Variants in ZDHHC20 observed in about 807,000 individuals in gnomAD.
The protein encoded by ZDHHC20 is zDHHC palmitoyltransferase 20, also known as palmitoyltransferase ZDHHC20.
Under a neutral mutation model 57.8 loss-of-function variants are expected in ZDHHC20, and 43 were observed. That is an observed-to-expected ratio of 0.74 (90% CI 0.58 to 0.96). The LOEUF (loss-of-function observed/expected upper bound fraction) is 0.96. Among genes scored for constraint, ZDHHC20 ranks in the 40% least tolerant of loss-of-function variants. ZDHHC20 has a pLI of 0.00. For missense variants in ZDHHC20, 391 were observed against 441.1 expected, an observed-to-expected ratio of 0.89 and a Z score of 1.02; for synonymous variants, 157 against 153.0, an observed-to-expected ratio of 1.03 and a Z score of -0.19.
At chr13:21,455,633 GGTGTGTGTGTGTGTGTGTGT>G (rs3070118) in intron 1 of ZDHHC20, among the ~76,000 whole-genome samples, 5 of 148,082 alleles carry the variant, frequency 3.4e-5, no homozygotes, top group African/African-American at 1.0e-4. Flanking sequence ...CCAGTGAAGT[GGTGTGTGTGTGTGTGTGTGT>G]GTGTGTGTGT....
At chr13:21,398,227 G>C (rs1827209326) in intron 7 of ZDHHC20, among the ~76,000 whole-genome samples, 1 of 152,144 alleles carries the variant, frequency 6.6e-6, no homozygotes, top group African/African-American at 2.4e-5. Context: ...CACTTTGGGA[G>C]GTCGAGGCGG....
chr13:21,397,822 C>CA (rs987500426), intron 7 of ZDHHC20, among the ~76,000 whole-genome samples: 2 of 151,468 alleles, frequency 1.3e-5, no homozygotes, highest in African/African-American at 2.4e-5. Flanking sequence ...TAAGCATATG[C>CA]AAAAAAAATT....
At chr13:21,445,028 G>C (rs1459678847) in intron 1 of ZDHHC20, among the ~76,000 whole-genome samples, 1 of 152,006 alleles carries the variant, frequency 6.6e-6, no homozygotes, top group Non-Finnish European at 1.5e-5. Context: ...ATGCACTCCA[G>C]CCTGGGCAAC....
rs184182369 is a variant in ZDHHC20, at chr13:21,399,152, C to T, written c.594+1221G>A. Among the ~76,000 whole-genome samples the T allele has an allele frequency of 3.2e-3, 481 of 152,020 alleles. 2 individuals are homozygous for T. Among genetic ancestry groups the T allele is most frequent in the African/African-American group, 0.011 (448 of 41,478 alleles). The stretch of plus-strand genomic sequence containing the variant: ...GAAGTCAGGAGCTCGAGACCAGCCT[C>T]GCCAGCATGGTGAAACCCTGTCTCT... On this transcript the variant is annotated intron_variant, in intron 7 of 12. Transcript: ENST00000400590.
At chr13:21,454,812 A>G (rs1884768883) in intron 1 of ZDHHC20, among the ~76,000 whole-genome samples, 1 of 152,240 alleles carries the variant, frequency 6.6e-6, no homozygotes, top group South Asian at 2.1e-4. Flanking sequence ...TAAATATTTA[A>G]TACAGACTCA....
chr13:21,422,979 G>T (rs1352933927), intron 2 of ZDHHC20, among the ~76,000 whole-genome samples: 5 of 152,106 alleles, frequency 3.3e-5, no homozygotes, highest in Non-Finnish European at 5.9e-5. Flanking sequence ...AACCCTCACA[G>T]TAAGTCTTCT....
chr13:21,409,557 C>T (rs909086247), intron 4 of ZDHHC20, among the ~76,000 whole-genome samples: 1 of 151,758 alleles, frequency 6.6e-6, no homozygotes, highest in African/African-American at 2.4e-5. Context: ...TAAAAGAGTC[C>T]CATATTTCTT....
At chr13:21,380,899 C>T (rs565577227) in intron 11 of ZDHHC20, among the ~76,000 whole-genome samples, 1 of 152,176 alleles carries the variant, frequency 6.6e-6, no homozygotes, top group East Asian at 1.9e-4. Context: ...CCTGCAGTTG[C>T]ATAGAAGAAA....
chr13:21,445,678 C>T (rs570133276), intron 1 of ZDHHC20, among the ~76,000 whole-genome samples: 8 of 152,308 alleles, frequency 5.3e-5, no homozygotes, highest in Admixed American at 3.3e-4. Context: ...GGCGGCTACA[C>T]AATCAATTCA....
intron 9 of ZDHHC20, among the ~76,000 whole-genome samples, chr13:21,387,262 ATTTT>A (rs1163611592): frequency 2.0e-5 from 3 of 152,094 alleles, no homozygotes; most frequent in East Asian, 3.8e-4. Flanking sequence ...AAAAAATCTT[ATTTT>A]TTTAGTGAAT....
chr13:21,395,478 AT>A (rs1235396129), intron 7 of ZDHHC20, among the ~76,000 whole-genome samples: 2 of 140,048 alleles, frequency 1.4e-5, no homozygotes, highest in Non-Finnish European at 3.1e-5. Flanking sequence ...TATAAACCAT[AT>A]TTTCTTCTTT....
chr13:21,385,560 C>T (rs1007232153), intron 9 of ZDHHC20, among the ~76,000 whole-genome samples: 13 of 151,992 alleles, frequency 8.6e-5, no homozygotes, highest in African/African-American at 2.9e-4. Context: ...CAAAATGAAG[C>T]AGAGAAAAGA....
chr13:21,441,670 T>C (rs184044579), intron 1 of ZDHHC20, among the ~76,000 whole-genome samples: 14 of 148,640 alleles, frequency 9.4e-5, no homozygotes, highest in African/African-American at 3.0e-4. Flanking sequence ...CCCAAAGTGC[T>C]GGGATACAGG....
chr13:21,376,681 G>A, intron 12 of ZDHHC20, 26 bp from the exon 13 acceptor site: 1 of 1,354,166 alleles, frequency 7.4e-7, no homozygotes, highest in Non-Finnish European at 1.0e-6. Context: ...CAAATTATTG[G>A]TTAAAACTTG....
intron 1 of ZDHHC20, among the ~76,000 whole-genome samples, chr13:21,456,763 TAGAA>T: frequency 6.6e-6 from 1 of 152,216 alleles, no homozygotes; most frequent in East Asian, 1.9e-4. Flanking sequence ...GCCATAGTTA[TAGAA>T]TGTTTTAACT....
chr13:21,407,744 G>C (rs1175072438), intron 4 of ZDHHC20, among the ~76,000 whole-genome samples: 2 of 152,092 alleles, frequency 1.3e-5, no homozygotes, highest in African/African-American at 4.8e-5. Context: ...GGGTTTTTAT[G>C]GTTTTAGGTC....
chr13:21,378,128 G>A (rs557255649), intron 12 of ZDHHC20, among the ~76,000 whole-genome samples: 14 of 151,902 alleles, frequency 9.2e-5, no homozygotes, highest in African/African-American at 3.1e-4. Context: ...TTGCAGCCTC[G>A]ACCTCCTGGG....
At chr13:21,385,080 T>C (rs752505961) in intron 9 of ZDHHC20, among the ~76,000 whole-genome samples, 10 of 151,838 alleles carry the variant, frequency 6.6e-5, no homozygotes, top group Non-Finnish European at 8.8e-5. Context: ...TAGATACAAT[T>C]AAAAGAGAAA....
chr13:21,402,930 A>G, intron 4 of ZDHHC20, 64 bp from the exon 5 acceptor site: 1 of 1,299,136 alleles, frequency 7.7e-7, no homozygotes. Flanking sequence ...TTGACATTAA[A>G]ACTTGATTTT....
Sources: allele counts gnomAD v4.1 joint callset (sites outside exome capture counted in the v4.1 genomes callset), GRCh38; gene constraint gnomAD v4.1.1; transcripts MANE v1.5; gene names NCBI Gene and HGNC (gene_info 2026-07-23, HGNC 2026-07-21).